The following RNLS variants were observed in gnomAD, a reference collection of about 807,000 sequenced individuals.
RNLS encodes renalase, FAD dependent amine oxidase.
RNLS carries 39 observed loss-of-function variants against 39.8 expected under a neutral mutation model. The observed-to-expected ratio is 0.98, with a 90% CI of 0.76 to 1.28. RNLS has a LOEUF of 1.28. Ranked by LOEUF, RNLS falls within the 50% of genes most tolerant of loss-of-function variation. The pLI is 0.00. For missense variants in RNLS, 410 were observed against 413.3 expected (o/e 0.99, Z 0.07); for synonymous variants, 147 against 150.7 (o/e 0.98, Z 0.18).
chr10:88,350,793 T>C (rs570271453), intron 5 of RNLS, among the ~76,000 whole-genome samples: 98 of 152,346 alleles, frequency 6.4e-4, no homozygotes, highest in Non-Finnish European at 1.3e-3. Flanking sequence ...TCTAGATCCC[T>C]GAGGAATCGC....
Position 88,320,475 on chromosome 10 carries a change from G to T in RNLS, c.701-5834C>A, listed in dbSNP as rs1017594545. ...TAACCTTGAACATAACAGCATAAAAGCCCCACCTGAGAAACACAGATTGGC... is the reference window on the plus strand; with the variant it reads ...TAACCTTGAACATAACAGCATAAAATCCCCACCTGAGAAACACAGATTGGC... On this transcript the variant is annotated intron_variant, in intron 5 of 6. Transcript: ENST00000331772. Among the ~76,000 whole-genome samples the T allele has an allele frequency of 3.0e-4, 44 of 145,096 alleles. 1 individual carries two copies. Among genetic ancestry groups the T allele is most frequent in the Admixed American group, 2.2e-3 (32 of 14,432 alleles).
intron 4 of RNLS, among the ~76,000 whole-genome samples, chr10:88,374,524 T>C (rs1589679711): frequency 2.0e-5 from 3 of 152,154 alleles, no homozygotes; most frequent in East Asian, 3.8e-4. Flanking sequence ...CGCTAACATA[T>C]CCACCTCACA....
chr10:88,361,764 C>T (rs932700338), intron 5 of RNLS, among the ~76,000 whole-genome samples: 4 of 152,184 alleles, frequency 2.6e-5, no homozygotes, highest in Non-Finnish European at 5.9e-5. Context: ...GAAGCCATTA[C>T]TGTCCCATAA....
intron 4 of RNLS, among the ~76,000 whole-genome samples, chr10:88,470,422 T>A (rs148376081): frequency 0.011 from 1,601 of 152,300 alleles, 13 homozygotes; most frequent in Middle Eastern, 0.031. Context: ...CTCTGTTTTA[T>A]ATACCCTGCA....
intron 6 of RNLS, among the ~76,000 whole-genome samples, chr10:88,288,331 G>A (rs1843426733): frequency 6.6e-6 from 1 of 152,084 alleles, no homozygotes; most frequent in Admixed American, 6.6e-5. Flanking sequence ...AACATAGCAG[G>A]CTGACTCCAG....
chr10:88,501,981 G>A (rs1356846686), intron 4 of RNLS, among the ~76,000 whole-genome samples: 2 of 151,890 alleles, frequency 1.3e-5, no homozygotes, highest in African/African-American at 4.8e-5. Flanking sequence ...TCCTCTGTTA[G>A]TTTACAAGTT....
chr10:88,438,764 T>C (rs1188538914), intron 4 of RNLS, among the ~76,000 whole-genome samples: 9 of 152,188 alleles, frequency 5.9e-5, no homozygotes, highest in Admixed American at 5.9e-4. Flanking sequence ...ACTGGAAACT[T>C]TGGTTGCTCC....
At chr10:88,547,076 C>T (rs1425423156) in intron 4 of RNLS, among the ~76,000 whole-genome samples, 3 of 152,124 alleles carry the variant, frequency 2.0e-5, no homozygotes, top group African/African-American at 7.2e-5. Flanking sequence ...TGAACAGGAG[C>T]GTGAGCTTTT....
chr10:88,383,532 G>A (rs1257632311), intron 4 of RNLS, among the ~76,000 whole-genome samples: 2 of 152,092 alleles, frequency 1.3e-5, no homozygotes, highest in African/African-American at 4.8e-5. Flanking sequence ...CCACACAAAC[G>A]TGCAGCAGAT....
At chr10:88,377,191 T>C (rs1851070852) in intron 4 of RNLS, among the ~76,000 whole-genome samples, 1 of 151,832 alleles carries the variant, frequency 6.6e-6, no homozygotes. Context: ...CATCTCTGTG[T>C]GTGTGTGTCG....
intron 4 of RNLS, among the ~76,000 whole-genome samples, chr10:88,372,863 T>C (rs928950135): frequency 6.6e-6 from 1 of 152,174 alleles, no homozygotes; most frequent in Non-Finnish European, 1.5e-5. Flanking sequence ...CACAATAATA[T>C]GGTTGGAAAA....
intron 5 of RNLS, among the ~76,000 whole-genome samples, chr10:88,324,700 C>T (rs970943377): frequency 2.0e-5 from 3 of 152,104 alleles, no homozygotes; most frequent in Non-Finnish European, 4.4e-5. Context: ...TGCACAGGTG[C>T]CACCTGAATT....
chr10:88,333,544 A>C (rs909492805), intron 5 of RNLS, among the ~76,000 whole-genome samples: 1 of 152,176 alleles, frequency 6.6e-6, no homozygotes, highest in African/African-American at 2.4e-5. Flanking sequence ...TCTTGGACAG[A>C]TTTCTAGCAG....
the RNLS span, among the ~76,000 whole-genome samples, chr10:88,178,726 G>C: frequency 6.6e-6 from 1 of 152,204 alleles, no homozygotes; most frequent in South Asian, 2.1e-4. Flanking sequence ...GGAGGCAAGT[G>C]CTGGGAGCTT....
chr10:88,401,269 A>C (rs942553473), intron 4 of RNLS, among the ~76,000 whole-genome samples: 2 of 152,072 alleles, frequency 1.3e-5, no homozygotes, highest in Non-Finnish European at 1.5e-5. Flanking sequence ...ATTCTTTCTA[A>C]ATACAGTAAA....
chr10:88,300,577 G>T (rs141351917), intron 6 of RNLS, among the ~76,000 whole-genome samples: 2 of 152,162 alleles, frequency 1.3e-5, no homozygotes, highest in African/African-American at 4.8e-5. Context: ...TCCTCCCAAA[G>T]TCTGCTCTGT....
chr10:88,350,435 A>T (rs1447244480), intron 5 of RNLS, among the ~76,000 whole-genome samples: 1 of 151,734 alleles, frequency 6.6e-6, no homozygotes. Context: ...CCTGTGTCCA[A>T]GTGTTCTCAT....
chr10:88,514,068 T>C (rs1017294489), intron 4 of RNLS, among the ~76,000 whole-genome samples: 2 of 151,706 alleles, frequency 1.3e-5, no homozygotes, highest in East Asian at 1.9e-4. Flanking sequence ...TACTATCTTA[T>C]ATTAGTCTGT....
intron 4 of RNLS, among the ~76,000 whole-genome samples, chr10:88,551,187 CA>C (rs919396530): frequency 1.3e-5 from 2 of 152,056 alleles, no homozygotes; most frequent in Non-Finnish European, 2.9e-5. Context: ...GAAGAAAAGC[CA>C]AAAAACTACT....
Sources: allele counts gnomAD v4.1 joint callset (sites outside exome capture counted in the v4.1 genomes callset), GRCh38; gene constraint gnomAD v4.1.1; transcripts MANE v1.5; gene names NCBI Gene and HGNC (gene_info 2026-07-23, HGNC 2026-07-21).